Variants in TMEM244 observed in about 807,000 individuals in gnomAD.
TMEM244 encodes transmembrane protein 244.
TMEM244 carries 13 observed loss-of-function variants against 15.8 expected under a neutral mutation model. The ratio of observed to expected loss-of-function variants is 0.82; its 90% CI spans 0.53 to 1.30. The LOEUF (loss-of-function observed/expected upper bound fraction) is 1.30. TMEM244 is among the 50% of genes most tolerant of loss of function. TMEM244 has a pLI of 0.00. For missense variants in TMEM244, 161 were observed against 144.9 expected (o/e 1.11, Z -0.57); for synonymous variants, 45 against 48.7 (o/e 0.92, Z 0.32).
At chr6:129,845,127 T>G (rs1283656549) in intron 2 of TMEM244, among the ~76,000 whole-genome samples, 1 of 152,230 alleles carries the variant, frequency 6.6e-6, no homozygotes, top group Admixed American at 6.5e-5. Context: ...TAATAACTCT[T>G]TTTTGGATGA....
chr6:129,832,542 A>G (rs947734463), intron 4 of TMEM244, among the ~76,000 whole-genome samples: 7 of 152,198 alleles, frequency 4.6e-5, no homozygotes, highest in African/African-American at 7.2e-5. Flanking sequence ...AAAAAAAATT[A>G]GGCGGTATAG....
intron 3 of TMEM244, among the ~76,000 whole-genome samples, chr6:129,840,257 G>A (rs1776470102): frequency 6.6e-6 from 1 of 152,082 alleles, no homozygotes. Flanking sequence ...ACAGAACAGA[G>A]GCCTCAAGAA....
At chr6:129,843,468 AT>A in intron 3 of TMEM244, 61 bp downstream of exon 3, 1 of 1,188,328 alleles carries the variant, frequency 8.4e-7, no homozygotes, top group Non-Finnish European at 1.2e-6. Flanking sequence ...TTATTAAAAA[AT>A]TTATGGGGTT....
At chr6:129,833,613 T>C in intron 3 of TMEM244, 28 bp from the exon 4 acceptor site, 1 of 1,605,158 alleles carries the variant, frequency 6.2e-7, no homozygotes, top group East Asian at 2.2e-5. Flanking sequence ...AATATAATTA[T>C]TGAGGACTAG....
chr6:129,850,160 G>A (rs1378837049), intron 1 of TMEM244, among the ~76,000 whole-genome samples: 1 of 152,192 alleles, frequency 6.6e-6, no homozygotes, highest in Non-Finnish European at 1.5e-5. Flanking sequence ...AGCTGAGGCA[G>A]TGGCAGGGGT....
intron 2 of TMEM244, among the ~76,000 whole-genome samples, chr6:129,845,553 A>G (rs1776549168): frequency 6.6e-6 from 1 of 152,206 alleles, no homozygotes; most frequent in South Asian, 2.1e-4. Flanking sequence ...CCAAGGCAGG[A>G]GGATCATTCA....
rs375356884 is a variant in TMEM244 at position 129,852,101 on chromosome 6, G to C, written c.34-6249C>G. ...TTAGCTTCAAAATAAAAAGGTAAGA[G>C]AATAGCTGGAAATGAAGATGAAACA... On this transcript the variant is annotated intron_variant, in intron 1 of 4. Coordinates refer to ENST00000368143, the MANE Select transcript of TMEM244 (RefSeq NM_001010876.2). Among the ~76,000 whole-genome samples, 10 of 152,154 alleles carry C rather than the reference G, an allele frequency of 6.6e-5. No homozygotes were observed. In the East Asian group the frequency reaches 1.7e-3, roughly 26 times the overall value.
In TMEM244 at chr6:129,855,478, AT is replaced by A. The variant is rs35751742; in HGVS notation, c.33+5677del. On this transcript the variant is annotated intron_variant, in intron 1 of 4. Transcript: ENST00000368143. ...AATTCTCACAGGCAGGAACAACGACATTCTCCTATAATTCAAAACTATTACT... is the reference window on the plus strand; with the variant it reads ...AATTCTCACAGGCAGGAACAACGACATCTCCTATAATTCAAAACTATTACT... Among the ~76,000 whole-genome samples, 112 of 152,294 alleles carry A rather than the reference AT, an allele frequency of 7.4e-4. 1 individual carries two copies. Among genetic ancestry groups the A allele is most frequent in the African/African-American group, 2.5e-3 (102 of 41,570 alleles).
At chr6:129,850,176 T>C (rs558987497) in intron 1 of TMEM244, among the ~76,000 whole-genome samples, 43 of 152,242 alleles carry the variant, frequency 2.8e-4, no homozygotes, top group African/African-American at 9.1e-4. Flanking sequence ...GGGGTTGCCA[T>C]AGGCACAAGA....
chr6:129,853,276 A>G (rs1776659102), intron 1 of TMEM244, among the ~76,000 whole-genome samples: 1 of 152,014 alleles, frequency 6.6e-6, no homozygotes, highest in South Asian at 2.1e-4. Context: ...GTGTAGAATT[A>G]ACGGCTCCTC....
intron 1 of TMEM244, among the ~76,000 whole-genome samples, chr6:129,852,552 C>T (rs1040492492): frequency 7.2e-5 from 11 of 152,136 alleles, no homozygotes; most frequent in Middle Eastern, 3.4e-3. Context: ...AGATGGGGCT[C>T]GCATGAAGAG....
Position 129,843,531 on chromosome 6 carries a change from T to A in TMEM244, c.192A>T (p.Lys64Asn), listed in dbSNP as rs1323554567. 6.2e-7 allele frequency: 1 copy of A among 1,605,466 alleles called. No homozygotes were observed. Among genetic ancestry groups the A allele is most frequent in the East Asian group, 2.2e-5 (1 of 44,714 alleles). Residue 64 changes from lysine (K) to asparagine (N), a missense_variant and splice_region_variant, in exon 3 of 5, where the codon AAA (lysine) becomes AAT (asparagine). Lys to Asn is a moderately conservative substitution (Grantham distance 94). Transcript: ENST00000368143. The part of the protein sequence containing the change: ...TNPSWLNINY[K>N]VLLVSTEVTY... ...AGAATTTAAAATTAAAACAATTACC[T>A]TTATAGTTTATGTTGAGCCATGAGG...
At chr6:129,857,317 TACAC>T (rs139849085) in intron 1 of TMEM244, among the ~76,000 whole-genome samples, 48 of 148,736 alleles carry the variant, frequency 3.2e-4, no homozygotes, top group African/African-American at 9.9e-4. Flanking sequence ...TATGTGTGTA[TACAC>T]ACACACACAC....
intron 3 of TMEM244, among the ~76,000 whole-genome samples, chr6:129,834,663 T>C (rs968304027): frequency 2.0e-5 from 3 of 152,214 alleles, no homozygotes; most frequent in Non-Finnish European, 4.4e-5. Flanking sequence ...CTATTTAATT[T>C]AACTTAACAC....
chr6:129,839,314 C>T (rs1209124246), intron 3 of TMEM244, among the ~76,000 whole-genome samples: 1 of 152,156 alleles, frequency 6.6e-6, no homozygotes, highest in African/African-American at 2.4e-5. Context: ...GTAAACAGAA[C>T]CAATGACAAA....
chr6:129,849,869 A>ATG (rs1305119196), intron 1 of TMEM244, among the ~76,000 whole-genome samples: 1 of 151,988 alleles, frequency 6.6e-6, no homozygotes, highest in African/African-American at 2.4e-5. Flanking sequence ...TGGGTGGGTT[A>ATG]TGTGTGTGTG....
At chr6:129,834,988 T>C (rs974152455) in intron 3 of TMEM244, among the ~76,000 whole-genome samples, 12 of 150,372 alleles carry the variant, frequency 8.0e-5, no homozygotes, top group African/African-American at 3.0e-4. Context: ...TGTATATTAA[T>C]AGAGAATACT....
intron 1 of TMEM244, among the ~76,000 whole-genome samples, chr6:129,854,152 C>A (rs1776672489): frequency 6.6e-6 from 1 of 152,170 alleles, no homozygotes; most frequent in Non-Finnish European, 1.5e-5. Flanking sequence ...AGAGATGTGT[C>A]CATTTGGCTC....
At chr6:129,831,932 G>C (rs917074558) in intron 4 of TMEM244, among the ~76,000 whole-genome samples, 1 of 152,056 alleles carries the variant, frequency 6.6e-6, no homozygotes, top group African/African-American at 2.4e-5. Flanking sequence ...AGAGTGTTGG[G>C]GGCGGGGTGT....
Sources: allele counts gnomAD v4.1 joint callset (sites outside exome capture counted in the v4.1 genomes callset), GRCh38; gene constraint gnomAD v4.1.1; transcripts MANE v1.5; gene names NCBI Gene and HGNC (gene_info 2026-07-23, HGNC 2026-07-21).